PLA2G4E: variants seen among roughly 807,000 people sequenced by gnomAD.
PLA2G4E encodes phospholipase A2 group IVE, also known as cytosolic phospholipase A2 epsilon.
In PLA2G4E, 84 loss-of-function variants were observed where a neutral mutation model predicts 109.1. The ratio of observed to expected loss-of-function variants is 0.77; its 90% CI spans 0.65 to 0.92. The LOEUF (loss-of-function observed/expected upper bound fraction) is 0.92. PLA2G4E is among the 40% of genes least tolerant of loss of function. The probability of loss-of-function intolerance (pLI) is 0.00; values close to 1 mark genes in which losing one functional copy is unlikely to be tolerated. For synonymous variants in PLA2G4E, 469 were observed against 436.1 expected, an observed-to-expected ratio of 1.08 and a Z score of -0.94; for missense variants, 1,057 against 1,076.6, an observed-to-expected ratio of 0.98 and a Z score of 0.25.
At position 41,999,907 on chromosome 15, in the gene PLA2G4E, A is replaced by T. The variant is rs1407613436; in HGVS notation, c.936+10T>A. On this transcript the variant is annotated intron_variant, in intron 9 of 19. Transcript: ENST00000399518. The stretch of plus-strand genomic sequence containing the variant: ...TAAGTCAGGGGCCCTTCCCAGACTC[A>T]GGCACTCACCACAGGCAGGGTCATC... 6.2e-7 allele frequency: 1 copy of T among 1,603,948 alleles called. No homozygotes were observed.
At chr15:42,006,150 G>C in intron 3 of PLA2G4E, 29 bp from the exon 4 acceptor site, 1 of 1,612,100 alleles carries the variant, frequency 6.2e-7, no homozygotes, top group Non-Finnish European at 8.5e-7. Flanking sequence ...TGCCAGTCTG[G>C]TTACCACGGT....
At chr15:41,981,791 C>T (rs2068071232) in exon 20 of PLA2G4E, 3 of 152,232 alleles carry the variant, frequency 2.0e-5, no homozygotes, top group Admixed American at 2.0e-4. Flanking sequence ...GCCAGTTGCT[C>T]TGGTGGAGGG....
At chr15:41,988,237 C>T in intron 15 of PLA2G4E, 81 bp from the exon 16 acceptor site, 2 of 811,752 alleles carry the variant, frequency 2.5e-6, no homozygotes, top group Non-Finnish European at 3.6e-6. Flanking sequence ...ACTCCCCCCA[C>T]CCCCCCACCC....
intron 1 of PLA2G4E, among the ~76,000 whole-genome samples, chr15:42,040,446 T>C (rs934146581): frequency 1.3e-5 from 2 of 152,226 alleles, no homozygotes; most frequent in African/African-American, 4.8e-5. Context: ...ATTCCAGATG[T>C]ACTGGTATTG....
At chr15:41,985,632 G>T (rs1415711804) in intron 18 of PLA2G4E, among the ~76,000 whole-genome samples, 1 of 152,240 alleles carries the variant, frequency 6.6e-6, no homozygotes, top group Admixed American at 6.5e-5. Flanking sequence ...AGTCAACATG[G>T]GCACCATGGT....
chr15:41,994,302 C>CT (rs1455680499), intron 12 of PLA2G4E, among the ~76,000 whole-genome samples: 2 of 24,094 alleles, frequency 8.3e-5, no homozygotes, highest in Non-Finnish European at 1.4e-4. Flanking sequence ...CCTCTGCCCC[C>CT]CGGGGGGGTG....
At chr15:41,987,666 C>G (rs1218590726) in intron 16 of PLA2G4E, among the ~76,000 whole-genome samples, 1 of 152,142 alleles carries the variant, frequency 6.6e-6, no homozygotes, top group Non-Finnish European at 1.5e-5. Flanking sequence ...AGACCCTACT[C>G]TCCTCACTTC....
At chr15:42,000,489 A>T (rs949531110) in intron 7 of PLA2G4E, among the ~76,000 whole-genome samples, 1 of 152,220 alleles carries the variant, frequency 6.6e-6, no homozygotes, top group Non-Finnish European at 1.5e-5. Context: ...GGATGCAGAC[A>T]AACATAGTCC....
At chr15:41,997,137 A>T in exon 11 of PLA2G4E, 1 of 1,569,048 alleles carries the variant, frequency 6.4e-7, no homozygotes, top group Non-Finnish European at 8.6e-7. Flanking sequence ...GTCCTCCTGC[A>T]GGTCTTCCTC....
intron 1 of PLA2G4E, among the ~76,000 whole-genome samples, chr15:42,029,866 C>T (rs974499132): frequency 1.3e-5 from 2 of 152,220 alleles, no homozygotes; most frequent in African/African-American, 4.8e-5. Flanking sequence ...GATACAAAGA[C>T]ATCATCGCTG....
intron 5 of PLA2G4E, among the ~76,000 whole-genome samples, chr15:42,003,608 G>A (rs893975047): frequency 5.3e-5 from 8 of 152,222 alleles, no homozygotes; most frequent in Non-Finnish European, 7.3e-5. Flanking sequence ...AGTAAATAAC[G>A]TTGATTTTAA....
At chr15:41,990,329 C>A in intron 13 of PLA2G4E, 94 bp from the exon 14 acceptor site, 1 of 1,110,140 alleles carries the variant, frequency 9.0e-7, no homozygotes, top group Non-Finnish European at 1.3e-6. Flanking sequence ...CCCGCAGCCA[C>A]TTCCTGGCTC....
chr15:42,043,504 C>T (rs1222789521), intron 1 of PLA2G4E, among the ~76,000 whole-genome samples: 1 of 148,848 alleles, frequency 6.7e-6, no homozygotes, highest in Admixed American at 6.8e-5. Flanking sequence ...TGGCTCTCAC[C>T]TGCTAATAGA....
intron 1 of PLA2G4E, among the ~76,000 whole-genome samples, chr15:42,015,859 A>G (rs2068588747): frequency 6.6e-6 from 1 of 152,232 alleles, no homozygotes; most frequent in African/African-American, 2.4e-5. Flanking sequence ...GGGAAGGGGC[A>G]GCCTCGCACG....
At chr15:41,986,450 C>G (rs1354435304) in intron 17 of PLA2G4E, among the ~76,000 whole-genome samples, 3 of 152,112 alleles carry the variant, frequency 2.0e-5, no homozygotes, top group African/African-American at 7.2e-5. Flanking sequence ...TAAGGCCTGG[C>G]TCTGCTGCTT....
intron 1 of PLA2G4E, among the ~76,000 whole-genome samples, chr15:42,046,029 C>T (rs987429892): frequency 9.2e-5 from 14 of 152,188 alleles, no homozygotes; most frequent in Admixed American, 9.2e-4. Flanking sequence ...TTCCTCCTTC[C>T]ATATCCAGTG....
rs769123243 is a variant in PLA2G4E, at chr15:42,049,207, C to T, written c.183+1314G>A. Among the ~76,000 whole-genome samples, 10 of 152,252 alleles carry T rather than the reference C, an allele frequency of 6.6e-5. No individual in the cohort carries two copies. The East Asian group carries it at 9.7e-4, about 15-fold the overall frequency. On this transcript the variant is annotated intron_variant, in intron 1 of 19. Transcript: ENST00000399518. ...AGAGACATCAAGGGAAACCCTGGGG[C>T]GGGGCTCTTGACCCCTCTTCACATG...
chr15:42,048,369 C>T (rs1349768374), intron 1 of PLA2G4E, among the ~76,000 whole-genome samples: 4 of 152,148 alleles, frequency 2.6e-5, no homozygotes, highest in East Asian at 1.9e-4. Flanking sequence ...CTGTAGTTAT[C>T]GTATTGGGTT....
At chr15:42,025,086 C>T (rs963281937) in intron 1 of PLA2G4E, among the ~76,000 whole-genome samples, 13 of 151,842 alleles carry the variant, frequency 8.6e-5, no homozygotes, top group Non-Finnish European at 1.0e-4. Context: ...GTCCCAGCTA[C>T]TCAGGAGGCT....
Sources: allele counts gnomAD v4.1 joint callset (sites outside exome capture counted in the v4.1 genomes callset), GRCh38; gene constraint gnomAD v4.1.1; transcripts MANE v1.5; gene names NCBI Gene and HGNC (gene_info 2026-07-23, HGNC 2026-07-21).